SLC25A36: variants seen among roughly 807,000 people sequenced by gnomAD.
SLC25A36 encodes the protein epididymis secretory sperm binding protein.
A neutral mutation model predicts 35.3 loss-of-function variants in SLC25A36; 24 were observed. The ratio of observed to expected loss-of-function variants is 0.68; its 90% CI spans 0.49 to 0.96. The LOEUF is 0.96. Ranked by LOEUF, SLC25A36 falls within the 40% of genes least tolerant of loss-of-function variation. SLC25A36 has a pLI of 0.00. For missense variants in SLC25A36, 294 were observed against 381.1 expected (o/e 0.77, Z 1.90); for synonymous variants, 141 against 132.2 (o/e 1.07, Z -0.46).
chr3:140,956,428 G>T (rs1576480473), intron 1 of SLC25A36, 99 bp from the exon 2 acceptor site: 3 of 1,275,366 alleles, frequency 2.4e-6, no homozygotes, highest in East Asian at 5.6e-5. Flanking sequence ...TAGTATGTTG[G>T]CAAAGCTCCA....
chr3:140,961,746 C>T (rs1056912828), intron 3 of SLC25A36, among the ~76,000 whole-genome samples: 5 of 150,480 alleles, frequency 3.3e-5, no homozygotes, highest in Non-Finnish European at 7.4e-5. Flanking sequence ...GTCCCAGCTG[C>T]TCAGGAGGCT....
At chr3:140,948,873 G>A (rs1934239790) in intron 1 of SLC25A36, among the ~76,000 whole-genome samples, 1 of 152,160 alleles carries the variant, frequency 6.6e-6, no homozygotes, top group South Asian at 2.1e-4. Context: ...ACCTGTCTTA[G>A]GGATTCATGA....
chr3:140,969,708 C>A (rs934117248), intron 4 of SLC25A36, among the ~76,000 whole-genome samples: 26 of 151,786 alleles, frequency 1.7e-4, no homozygotes, highest in Non-Finnish European at 3.5e-4. Context: ...TATGTAGATA[C>A]ACCTTTGAAA....
At chr3:140,973,583 T>C in intron 5 of SLC25A36, 133 bp from the exon 6 acceptor site, 1 of 678,698 alleles carries the variant, frequency 1.5e-6, no homozygotes, top group Non-Finnish European at 2.1e-6. Flanking sequence ...ATCTAAAATA[T>C]GAATATTGTT....
chr3:140,980,548 C>A lies in SLC25A36; in HGVS notation c.*4095C>A, dbSNP rs1023433655. Among the ~76,000 whole-genome samples the A allele has an allele frequency of 2.6e-5, 4 of 151,674 alleles. No homozygotes were observed. The highest frequency in any genetic ancestry group is 9.8e-5 in the African/African-American group (4 of 41,020). ...ATGGTTAAAATTGAGCACAGGTGTT[C>A]CAAGTTGTGTGTGTGTGTTTATTAC... On this transcript the variant is annotated 3_prime_UTR_variant, in exon 7 of 7. Transcript: ENST00000324194.
chr3:140,968,130 T>C, intron 4 of SLC25A36: 1 of 976,788 alleles, frequency 1.0e-6, no homozygotes, highest in Non-Finnish European at 1.2e-6. Flanking sequence ...TTTGTTTTTT[T>C]CCATTGGCTT....
chr3:140,969,356 T>G (rs1428428174), intron 4 of SLC25A36, among the ~76,000 whole-genome samples: 3 of 151,896 alleles, frequency 2.0e-5, no homozygotes, highest in Admixed American at 6.6e-5. Context: ...CTCAACACTT[T>G]AAATTTTATC....
chr3:140,959,984 G>T (rs1934586592), intron 3 of SLC25A36, among the ~76,000 whole-genome samples: 1 of 152,024 alleles, frequency 6.6e-6, no homozygotes, highest in Admixed American at 6.6e-5. Flanking sequence ...TTCTATAAAT[G>T]GACCTGAGAT....
intron 6 of SLC25A36, 46 bp downstream of exon 6, chr3:140,974,051 C>A: frequency 7.8e-7 from 1 of 1,286,212 alleles, no homozygotes; most frequent in Non-Finnish European, 1.1e-6. Context: ...CCCACCCCAG[C>A]CAACAGCTCA....
At chr3:140,947,526 T>C (rs1167902038) in intron 1 of SLC25A36, among the ~76,000 whole-genome samples, 1 of 152,194 alleles carries the variant, frequency 6.6e-6, no homozygotes, top group Non-Finnish European at 1.5e-5. Context: ...GGTTACACTG[T>C]GCCTAGCTTT....
chr3:140,951,906 T>G (rs562392086), intron 1 of SLC25A36, among the ~76,000 whole-genome samples: 3 of 152,104 alleles, frequency 2.0e-5, no homozygotes, highest in Non-Finnish European at 2.9e-5. Flanking sequence ...CAATCACAGC[T>G]CACTAAAGCC....
rs549184129 is a variant in SLC25A36 at position 140,977,779 on chromosome 3, A to G, written c.*1326A>G. 9.2e-5 allele frequency: 14 copies of G among 152,254 alleles called. No individual in the cohort carries two copies. Among genetic ancestry groups the G allele is most frequent in the African/African-American group, 2.6e-4 (11 of 41,554 alleles). The allele number at this position is 152,254 out of a possible 1,614,324, so 9.4% of individuals were successfully genotyped here. On this transcript the variant is annotated 3_prime_UTR_variant, in exon 7 of 7. Transcript: ENST00000324194. ...ATACTGGTGTATAAAAACTGCCGCAATTGGACGCCGGTGTGGTACTCATTT... is the reference window on the plus strand; with the variant it reads ...ATACTGGTGTATAAAAACTGCCGCAGTTGGACGCCGGTGTGGTACTCATTT...
rs10662120 is a variant in SLC25A36 at position 140,975,097 on chromosome 3, C to CTTTTTTTTTTTTTTTTTTTTTTTTTT, written c.742+1097_742+1122dup. On this transcript the variant is annotated intron_variant, in intron 6 of 6. Transcript: ENST00000324194. ...GTACAGTTGATAAACAAGATACATT[C>CTTTTTTTTTTTTTTTTTTTTTTTTTT]TTTTTTTTTTTTTTTTTTTTTTTTT... Among the ~76,000 whole-genome samples, 8 of 55,218 alleles carry CTTTTTTTTTTTTTTTTTTTTTTTTTT rather than the reference C, an allele frequency of 1.4e-4. 3 individuals carry two copies. The highest frequency in any genetic ancestry group is 2.8e-4 in the Non-Finnish European group (8 of 28,238). The allele number at this position is 55,218 out of a possible 152,430, so 36.2% of individuals were successfully genotyped here.
chr3:140,968,081 A>G (rs1934808561), intron 4 of SLC25A36: 7 of 984,940 alleles, frequency 7.1e-6, no homozygotes, highest in African/African-American at 5.2e-5. Context: ...GCTAACCTCA[A>G]ATTGCCTTAC....
rs1237670709 is a variant in SLC25A36 at position 140,956,586 on chromosome 3, T to A, written c.101T>A (p.Leu34Gln). 3 of 1,613,632 alleles carry A rather than the reference T, an allele frequency of 1.9e-6. No individual in the cohort carries two copies. The South Asian group carries it at 3.3e-5, about 18-fold the overall frequency. ...TCPLEVVKTR[L>Q]QSSSVTLYIS... ...CCACTGGAAGTTGTAAAAACACGAC[T>A]GCAGTCATCTTCTGTGACGCTTTAT... is the stretch of plus-strand genomic sequence containing the variant. The change falls in exon 2 of 7, where the codon CTG becomes CAG. Residue 34 changes from leucine (L) to glutamine (Q), a missense_variant. Leu to Gln is a moderately radical substitution (Grantham distance 113). This residue lies in a region of SLC25A36 where 185 missense variants were observed against 201.5 expected (regional missense o/e 0.92). Transcript: ENST00000324194.
intron 1 of SLC25A36, among the ~76,000 whole-genome samples, chr3:140,955,385 G>A (rs902793313): frequency 6.6e-6 from 1 of 151,988 alleles, no homozygotes; most frequent in Non-Finnish European, 1.5e-5. Flanking sequence ...CTCTTTCACC[G>A]CACTAAGAGC....
chr3:140,975,729 G>A (rs1013870350), intron 6 of SLC25A36, among the ~76,000 whole-genome samples: 7 of 152,150 alleles, frequency 4.6e-5, no homozygotes, highest in African/African-American at 1.7e-4. Context: ...TTGCTTACCT[G>A]ATTCCCAGAC....
chr3:140,958,996 GTGTGTGTGTGTGTTTTC>G (rs1292609602), intron 2 of SLC25A36, among the ~76,000 whole-genome samples: 1 of 137,206 alleles, frequency 7.3e-6, no homozygotes, highest in African/African-American at 2.8e-5. Flanking sequence ...GTGTGTGTGT[GTGTGTGTGTGTGTTTTC>G]TTTTTCTTTT....
chr3:140,956,416 T>A, intron 1 of SLC25A36, 111 bp from the exon 2 acceptor site: 6 of 1,242,414 alleles, frequency 4.8e-6, no homozygotes, highest in Non-Finnish European at 6.2e-6. Context: ...AATTATAAAT[T>A]TTAGTATGTT....
Sources: allele counts gnomAD v4.1 joint callset (sites outside exome capture counted in the v4.1 genomes callset), GRCh38; gene constraint gnomAD v4.1.1; regional missense constraint gnomAD v4.1.1; transcripts MANE v1.5; gene names NCBI Gene and HGNC (gene_info 2026-07-23, HGNC 2026-07-21).